NEO1: variants seen among roughly 807,000 people sequenced by gnomAD.
NEO1 encodes the protein neogenin 1.
In NEO1, 63 loss-of-function variants were observed where a neutral mutation model predicts 159.7. The observed-to-expected ratio is 0.39, with a 90% CI of 0.32 to 0.49. The LOEUF (loss-of-function observed/expected upper bound fraction) is 0.49, where lower values mean the gene tolerates loss of function less well. Among genes scored for constraint, NEO1 ranks in the 20% least tolerant of loss-of-function variants. The pLI is 0.85. For synonymous variants in NEO1, 633 were observed against 662.0 expected, an observed-to-expected ratio of 0.96 and a Z score of 0.67; for missense variants, 1,615 against 1,831.0, an observed-to-expected ratio of 0.88 and a Z score of 2.15.
At position 73,193,411 on chromosome 15, in the gene NEO1, T is replaced by C. The variant is rs560346938; in HGVS notation, c.1291+14984T>C. Among the ~76,000 whole-genome samples the C allele has an allele frequency of 1.5e-4, 23 of 152,142 alleles. No homozygotes were observed. In the South Asian group the frequency reaches 4.4e-3, roughly 29 times the overall value. On this transcript the variant is annotated intron_variant, in intron 7 of 28. Transcript: ENST00000261908. Reference sequence around the variant, plus strand: ...TGGCATCAGAGTCAGGACTGATATCTTGGTTTTCAATTTCAAAATTCACTG... The same window carrying C: ...TGGCATCAGAGTCAGGACTGATATCCTGGTTTTCAATTTCAAAATTCACTG...
At chr15:73,073,393 A>G (rs2068626758) in intron 1 of NEO1, among the ~76,000 whole-genome samples, 2 of 152,120 alleles carry the variant, frequency 1.3e-5, no homozygotes, top group South Asian at 2.1e-4. Context: ...AAATTTAGCC[A>G]TGATGGGGAT....
rs116516922 is a variant in NEO1, at chr15:73,212,537, C to T, written c.1292-23810C>T. On this transcript the variant is annotated intron_variant, in intron 7 of 28. Transcript: ENST00000261908. ...GAAGTGGTGGACCCAGAAATGTATT[C>T]GACCTTCCATGCTAAAACTGAAGCT... Among the ~76,000 whole-genome samples the T allele has an allele frequency of 8.0e-3, 1,216 of 152,138 alleles. 18 individuals carry two copies. Among genetic ancestry groups the T allele is most frequent in the African/African-American group, 0.027 (1,136 of 41,514 alleles).
At chr15:73,235,429 C>A (rs2680346) in intron 7 of NEO1, among the ~76,000 whole-genome samples, 135,414 of 152,194 alleles carry the variant, frequency 0.89, 60,589 homozygotes, top group Admixed American at 0.94. Context: ...TCATCAGTAG[C>A]ATGGGCTGCC....
chr15:73,257,132 C>CAAAAAAAAAAAAAAAAAAAA lies in NEO1; in HGVS notation c.2093-1632_2093-1613dup, dbSNP rs10623334. On this transcript the variant is annotated intron_variant, in intron 13 of 28. Transcript: ENST00000261908. The stretch of plus-strand genomic sequence containing the variant: ...GGGCAACAGAGAGAGACTCTGTCTC[C>CAAAAAAAAAAAAAAAAAAAA]AAAAAAAAAAAAAAAAAAAAAGTTT... 2.7e-4 allele frequency among the ~76,000 whole-genome samples: 15 copies of CAAAAAAAAAAAAAAAAAAAA among 54,770 alleles called. 2 individuals carry two copies. Among genetic ancestry groups the CAAAAAAAAAAAAAAAAAAAA allele is most frequent in the African/African-American group, 7.6e-4 (13 of 17,180 alleles). 35.9% of individuals were successfully genotyped at this position (54,770 alleles called of 152,430 possible).
chr15:73,058,958 A>C (rs1268950475), intron 1 of NEO1, among the ~76,000 whole-genome samples: 2 of 152,124 alleles, frequency 1.3e-5, no homozygotes, highest in Admixed American at 6.6e-5. Context: ...GTTATTGTAT[A>C]TCTTTTTTTT....
chr15:73,113,262 A>G (rs1026858052), intron 1 of NEO1, among the ~76,000 whole-genome samples: 1 of 151,850 alleles, frequency 6.6e-6, no homozygotes, highest in African/African-American at 2.4e-5. Flanking sequence ...CTTAGTGTGG[A>G]AAGGAGTGAT....
At chr15:73,281,201 C>CAA (rs35808353) in intron 22 of NEO1, among the ~76,000 whole-genome samples, 12,012 of 118,366 alleles carry the variant, frequency 0.1, 697 homozygotes, top group East Asian at 0.2. Flanking sequence ...GAGCGAGACT[C>CAA]AAAAAAAAAA....
At chr15:73,085,108 C>T (rs1595937128) in intron 1 of NEO1, among the ~76,000 whole-genome samples, 1 of 151,784 alleles carries the variant, frequency 6.6e-6, no homozygotes, top group East Asian at 1.9e-4. Flanking sequence ...TTTTTTTAAA[C>T]TACAGAGGGC....
intron 13 of NEO1, among the ~76,000 whole-genome samples, chr15:73,257,373 T>G (rs2150975105): frequency 6.6e-6 from 1 of 152,238 alleles, no homozygotes; most frequent in South Asian, 2.1e-4. Flanking sequence ...AAAAATGGCT[T>G]TATATTAAGA....
At chr15:73,138,573 G>A (rs1301346159) in intron 5 of NEO1, among the ~76,000 whole-genome samples, 3 of 151,966 alleles carry the variant, frequency 2.0e-5, no homozygotes, top group Admixed American at 6.6e-5. Context: ...CGGCTAAAAC[G>A]GTGAAACCCC....
chr15:73,292,448 A>C (rs948424237), intron 25 of NEO1, among the ~76,000 whole-genome samples: 1 of 152,144 alleles, frequency 6.6e-6, no homozygotes, highest in Non-Finnish European at 1.5e-5. Flanking sequence ...CTTGATCTTA[A>C]ACGTGCCATT....
chr15:73,290,631 C>A (rs371882360), intron 25 of NEO1, among the ~76,000 whole-genome samples: 13 of 152,196 alleles, frequency 8.5e-5, no homozygotes, highest in African/African-American at 2.9e-4. Context: ...AGTTGAAATT[C>A]AAAATAAATA....
At chr15:73,130,261 ACTGTGCCCAGCCAACTTGGTGGTTAGTT>A (rs1254198022) in intron 4 of NEO1, among the ~76,000 whole-genome samples, 1 of 151,386 alleles carries the variant, frequency 6.6e-6, no homozygotes, top group Non-Finnish European at 1.5e-5. Flanking sequence ...GATGTGCGTT[ACTGTGCCCAGCCAACTTGGTGGTTAGTT>A]CTGTGGGCTC....
Position 73,260,472 on chromosome 15 carries a change from T to C in NEO1, c.2398+7T>C. ...TACACCATTGAAAATCTGGGTATGT[T>C]TGCTAAGTAGAGAAAGTTAATTGTG... is the stretch of plus-strand genomic sequence containing the variant. On this transcript the variant is annotated splice_region_variant and intron_variant, in intron 15 of 28. Transcript: ENST00000261908. 1 of 1,574,972 alleles carries C rather than the reference T, an allele frequency of 6.3e-7. No individual in the cohort carries two copies. Among genetic ancestry groups the C allele is most frequent in the South Asian group, 1.2e-5 (1 of 86,920 alleles).
intron 1 of NEO1, among the ~76,000 whole-genome samples, chr15:73,087,888 G>A (rs190348962): frequency 1.7e-3 from 253 of 152,100 alleles, no homozygotes; most frequent in African/African-American, 5.8e-3. Context: ...TAATTTTGTT[G>A]TATGGATATG....
intron 7 of NEO1, among the ~76,000 whole-genome samples, chr15:73,195,567 T>A (rs957625637): frequency 6.6e-6 from 1 of 152,224 alleles, no homozygotes; most frequent in African/African-American, 2.4e-5. Flanking sequence ...TAAATGTTAC[T>A]ACTGCCTCAT....
At chr15:73,283,516 A>G (rs949881323) in intron 23 of NEO1, among the ~76,000 whole-genome samples, 2 of 152,212 alleles carry the variant, frequency 1.3e-5, no homozygotes, top group African/African-American at 4.8e-5. Flanking sequence ...AGCCATTGCC[A>G]GCCTCCTCCC....
At position 73,178,374 on chromosome 15, in the gene NEO1, A is replaced by G; in HGVS notation, c.1238A>G (p.Glu413Gly). The G allele has an allele frequency of 6.2e-7, 1 of 1,613,888 alleles. No individual in the cohort carries two copies. Among genetic ancestry groups the G allele is most frequent in the Non-Finnish European group, 8.5e-7 (1 of 1,179,860 alleles). ...SDEGFYQCIAENDVGNAQAGA... is the reference protein window; with the variant it reads ...SDEGFYQCIAGNDVGNAQAGA... ...GAAGGGTTCTATCAGTGCATTGCTG[A>G]AAATGATGTTGGAAATGCACAAGCT... Residue 413 changes from glutamate (E) to glycine (G), a missense_variant, in exon 7 of 29, where the codon GAA (glutamate) becomes GGA (glycine). By Grantham distance (98) the Glu-to-Gly change is moderately conservative (BLOSUM62 -2). Coordinates refer to ENST00000261908, the MANE Select transcript of NEO1 (RefSeq NM_002499.4).
chr15:73,093,367 TTA>T (rs2069806387), intron 1 of NEO1, among the ~76,000 whole-genome samples: 1 of 152,160 alleles, frequency 6.6e-6, no homozygotes, highest in Admixed American at 6.5e-5. Context: ...GAGTGGGGAA[TTA>T]TGTTCTCCCT....
Sources: allele counts gnomAD v4.1 joint callset (sites outside exome capture counted in the v4.1 genomes callset), GRCh38; gene constraint gnomAD v4.1.1; transcripts MANE v1.5; gene names NCBI Gene and HGNC (gene_info 2026-07-23, HGNC 2026-07-21).